ARFGEF1: variants seen among roughly 807,000 people sequenced by gnomAD.
ARFGEF1 encodes ARF guanine nucleotide exchange factor 1.
Under a neutral mutation model 231.0 loss-of-function variants are expected in ARFGEF1, and 42 were observed. That is an observed-to-expected ratio of 0.18 (90% CI 0.14 to 0.24). The LOEUF is 0.24. Among genes scored for constraint, ARFGEF1 ranks in the 10% least tolerant of loss-of-function variants. The pLI is 1.00. For synonymous variants in ARFGEF1, 710 were observed against 732.3 expected (o/e 0.97, Z 0.49); for missense variants, 1,345 against 2,192.0 (o/e 0.61, Z 7.72).
Position 67,309,993 on chromosome 8 carries a change from A to G in ARFGEF1, c.125-7527T>C, listed in dbSNP as rs141359691. Among the ~76,000 whole-genome samples the G allele has an allele frequency of 1.4e-4, 22 of 152,326 alleles. No individual in the cohort carries two copies. The East Asian group carries it at 4.2e-3, about 29-fold the overall frequency. ...GATCCAACTTTGCGTTGTAACCACT[A>G]ATACAAAATACTTTGGTATTATACA... is the stretch of plus-strand genomic sequence containing the variant. On this transcript the variant is annotated intron_variant, in intron 1 of 38. Transcript: ENST00000262215.
At chr8:67,308,050 C>T (rs897098190) in intron 1 of ARFGEF1, among the ~76,000 whole-genome samples, 1 of 152,192 alleles carries the variant, frequency 6.6e-6, no homozygotes, top group African/African-American at 2.4e-5. Context: ...GTCACCAGTC[C>T]CAGCTGAGCC....
intron 1 of ARFGEF1, among the ~76,000 whole-genome samples, chr8:67,308,586 G>C (rs1806851487): frequency 6.6e-6 from 1 of 152,094 alleles, no homozygotes; most frequent in South Asian, 2.1e-4. Flanking sequence ...TCACCTCTTA[G>C]GTGAAATATT....
intron 1 of ARFGEF1, among the ~76,000 whole-genome samples, chr8:67,324,427 T>C (rs1444207555): frequency 6.6e-6 from 1 of 152,234 alleles, no homozygotes; most frequent in Non-Finnish European, 1.5e-5. Context: ...TACCTCTCTA[T>C]GCTCATACAA....
intron 29 of ARFGEF1, among the ~76,000 whole-genome samples, chr8:67,222,182 C>CATATATATATATATATATACACAT (rs1839195345): frequency 1.7e-5 from 2 of 117,740 alleles, no homozygotes; most frequent in Non-Finnish European, 3.3e-5. Context: ...TATATATACA[C>CATATATATATATATATATACACAT]ATATATATAT....
intron 1 of ARFGEF1, among the ~76,000 whole-genome samples, chr8:67,332,977 A>G (rs1372874815): frequency 2.0e-5 from 3 of 152,190 alleles, no homozygotes; most frequent in African/African-American, 7.2e-5. Flanking sequence ...ACTGGCATAC[A>G]GTAAACACTC....
intron 1 of ARFGEF1, among the ~76,000 whole-genome samples, chr8:67,330,555 C>T (rs1808053860): frequency 1.3e-5 from 2 of 152,122 alleles, no homozygotes. Flanking sequence ...AGCAAGATAA[C>T]TATAGACACA....
intron 1 of ARFGEF1, among the ~76,000 whole-genome samples, chr8:67,342,686 T>C (rs1157799156): frequency 6.6e-6 from 1 of 152,136 alleles, no homozygotes; most frequent in Admixed American, 6.5e-5. Context: ...AGGAAACAAC[T>C]TCAGCAGCCT....
intron 14 of ARFGEF1, among the ~76,000 whole-genome samples, chr8:67,260,507 T>C (rs1804571682): frequency 6.6e-6 from 1 of 152,190 alleles, no homozygotes; most frequent in African/African-American, 2.4e-5. Context: ...GATGTTGCTA[T>C]TGTAATTGTT....
intron 19 of ARFGEF1, among the ~76,000 whole-genome samples, chr8:67,246,240 A>G (rs1163025713): frequency 6.6e-6 from 1 of 150,582 alleles, no homozygotes; most frequent in Non-Finnish European, 1.5e-5. Context: ...ATCAGATTTA[A>G]TCTGCACTAC....
intron 5 of ARFGEF1, among the ~76,000 whole-genome samples, chr8:67,181,575 GC>G (rs1833051195): frequency 1.3e-5 from 2 of 152,216 alleles, no homozygotes; most frequent in African/African-American, 4.8e-5. Flanking sequence ...CACTGCAAAT[GC>G]TGCATAAGTA....
chr8:67,208,120 G>A (rs1838586491), intron 34 of ARFGEF1, among the ~76,000 whole-genome samples: 1 of 152,120 alleles, frequency 6.6e-6, no homozygotes, highest in African/African-American at 2.4e-5. Context: ...ATTCCTACAT[G>A]AACCATTCTG....
intron 10 of ARFGEF1, among the ~76,000 whole-genome samples, chr8:67,270,653 A>G (rs1375441012): frequency 6.6e-6 from 1 of 151,776 alleles, no homozygotes; most frequent in Non-Finnish European, 1.5e-5. Flanking sequence ...GGTAAAACAT[A>G]AAGTACTATT....
intron 1 of ARFGEF1, among the ~76,000 whole-genome samples, chr8:67,341,634 T>C (rs1587359269): frequency 1.3e-5 from 2 of 152,182 alleles, no homozygotes; most frequent in Non-Finnish European, 2.9e-5. Flanking sequence ...AATTTGAATC[T>C]CTCTAAAGTT....
intron 29 of ARFGEF1, among the ~76,000 whole-genome samples, chr8:67,222,061 C>T (rs766221139): frequency 1.2e-4 from 18 of 150,614 alleles, no homozygotes; most frequent in Admixed American, 2.0e-4. Flanking sequence ...GATCCGCCCA[C>T]CTTGGCCTCC....
downstream of ARFGEF1, among the ~76,000 whole-genome samples, chr8:67,194,155 C>T (rs1255341869): frequency 6.6e-6 from 1 of 152,126 alleles, no homozygotes; most frequent in Admixed American, 6.5e-5. Flanking sequence ...ACCTAACAAG[C>T]TACCCTGCCA....
At chr8:67,201,043 T>C (rs889868280) in intron 37 of ARFGEF1, among the ~76,000 whole-genome samples, 2 of 152,266 alleles carry the variant, frequency 1.3e-5, no homozygotes, top group South Asian at 4.1e-4. Context: ...CTGAATGGCA[T>C]GTTTCATTCT....
chr8:67,340,764 T>C (rs1182328289), intron 1 of ARFGEF1, among the ~76,000 whole-genome samples: 3 of 152,178 alleles, frequency 2.0e-5, no homozygotes, highest in African/African-American at 7.2e-5. Flanking sequence ...TGCCTAGCCC[T>C]TCCCTGGATA....
intron 5 of ARFGEF1, among the ~76,000 whole-genome samples, chr8:67,186,291 T>A (rs1348137217): frequency 6.6e-6 from 1 of 152,152 alleles, no homozygotes; most frequent in Non-Finnish European, 1.5e-5. Flanking sequence ...AAGATGCAAC[T>A]CCACCCTTTG....
intron 19 of ARFGEF1, among the ~76,000 whole-genome samples, chr8:67,250,896 AG>A (rs1840263398): frequency 6.6e-6 from 1 of 152,232 alleles, no homozygotes; most frequent in South Asian, 2.1e-4. Context: ...TCTGGGCCCC[AG>A]GCATATTCAG....
Sources: allele counts gnomAD v4.1 joint callset (sites outside exome capture counted in the v4.1 genomes callset), GRCh38; gene constraint gnomAD v4.1.1; transcripts MANE v1.5; gene names NCBI Gene and HGNC (gene_info 2026-07-23, HGNC 2026-07-21).